KLHDC8A: variants seen among roughly 807,000 people sequenced by gnomAD.
KLHDC8A encodes kelch domain-containing protein 8A.
A neutral mutation model predicts 33.1 loss-of-function variants in KLHDC8A; 21 were observed. The ratio of observed to expected loss-of-function variants is 0.64; its 90% CI spans 0.45 to 0.91. The LOEUF is 0.91. Among genes scored for constraint, KLHDC8A ranks in the 40% least tolerant of loss-of-function variants. The probability of loss-of-function intolerance (pLI) is 0.00; values close to 1 mark genes in which losing one functional copy is unlikely to be tolerated. For synonymous variants in KLHDC8A, 173 were observed against 193.5 expected (o/e 0.89, Z 0.88); for missense variants, 435 against 483.3 (o/e 0.90, Z 0.94).
At chr1:205,341,342 A>G (rs1260935512) in intron 2 of KLHDC8A, among the ~76,000 whole-genome samples, 1 of 115,100 alleles carries the variant, frequency 8.7e-6, no homozygotes, top group Middle Eastern at 3.8e-3. Context: ...ATTTCCTCCT[A>G]CTTTCCAATC....
Position 205,343,236 on chromosome 1 carries a change from C to T in KLHDC8A, c.369G>A (p.Thr123=). ...LREAAMGISV[T]AKDYRVYAAG... ...AGCCCTGGCCCCACTTGCCTTTGGC[C>T]GTGACAGAAATGCCCATGGCGGCCT... The change falls in exon 2 of 6, where the codon ACG becomes ACA. Residue 123 remains threonine (T), a synonymous_variant. Coordinates refer to ENST00000367155, the MANE Select transcript of KLHDC8A (RefSeq NM_018203.3). 3 of 1,586,864 alleles carry T rather than the reference C, an allele frequency of 1.9e-6. No individual in the cohort carries two copies. The highest frequency in any genetic ancestry group is 1.1e-5 in the South Asian group (1 of 88,290).
At chr1:205,347,474 C>G (rs952023822) in intron 1 of KLHDC8A, among the ~76,000 whole-genome samples, 3 of 152,188 alleles carry the variant, frequency 2.0e-5, no homozygotes, top group African/African-American at 7.2e-5. Flanking sequence ...CATCCCAGCA[C>G]TTTGGGAGGC....
Position 205,339,520 on chromosome 1 carries a change from G to C in KLHDC8A, c.542-111C>G. The C allele has an allele frequency of 7.1e-7, 1 of 1,416,584 alleles. No homozygotes were observed. The highest frequency in any genetic ancestry group is 9.8e-7 in the Non-Finnish European group (1 of 1,022,128). The allele number at this position is 1,416,584 out of a possible 1,614,324, so 87.8% of individuals were successfully genotyped here. A position where few individuals can be genotyped will look rare whatever the true frequency, so the allele number is the denominator to read the frequency against. ...TACTCATTCATACAGGAAGCTCCCG[G>C]TGGGCTGGGCAGTGTGATTATCCCC... On this transcript the variant is annotated intron_variant, in intron 3 of 5. Coordinates refer to ENST00000367155, the MANE Select transcript of KLHDC8A (RefSeq NM_018203.3). This position sits in a 1 kb window ranked among gnomAD's most constrained non-coding sequence, Gnocchi z 5.1.
rs367855883 is a variant in KLHDC8A, at chr1:205,350,841, G to A, written c.-190+5692C>T. Among the ~76,000 whole-genome samples, 11 of 152,070 alleles carry A rather than the reference G, an allele frequency of 7.2e-5. No homozygotes were observed. In the South Asian group the frequency reaches 8.3e-4, roughly 12 times the overall value. ...TGTGTGTGCATGCATGTGTGTGCGCGCACGCATGTGTGTGTGCATGTGTGT... is the reference window on the plus strand; with the variant it reads ...TGTGTGTGCATGCATGTGTGTGCGCACACGCATGTGTGTGTGCATGTGTGT... On this transcript the variant is annotated intron_variant, in intron 1 of 5. Coordinates refer to ENST00000367155, the MANE Select transcript of KLHDC8A (RefSeq NM_018203.3).
rs1574905278 is a variant in KLHDC8A at position 205,338,548 on chromosome 1, G to A, written c.806C>T (p.Ala269Val). 2 of 1,613,986 alleles carry A rather than the reference G, an allele frequency of 1.2e-6. No homozygotes were observed. The highest frequency in any genetic ancestry group is 1.7e-6 in the Non-Finnish European group (2 of 1,180,024). Residue 269 changes from alanine to valine, a missense_variant, in exon 5 of 6, where the codon GCA (alanine) becomes GTA (valine). By Grantham distance (64) the Ala-to-Val change is moderately conservative. Transcript: ENST00000367155. Reference sequence around the variant, plus strand: ...ACTCAGAGAGCCAGCCACAAAATCTGCCCGCCGCTTCTTGAGGAAGAACGA... The same window carrying A: ...ACTCAGAGAGCCAGCCACAAAATCTACCCGCCGCTTCTTGAGGAAGAACGA... ...ERSFFLKKRR[A>V]DFVAGSLSGR...
In KLHDC8A at chr1:205,337,417, CAG is replaced by C. The variant is rs1445411886; in HGVS notation, c.1033_1034del (p.Leu345ValfsTer4). ...GAGACAGCTAGGAGTCAGAGACACA[CAG>C]GGCCTCCACTGCGTCACTCAGACCC... is the stretch of plus-strand genomic sequence containing the variant. ...NQGLSDAVEA[L>X]CVSDS On this transcript the variant is annotated frameshift_variant, in exon 6 of 6. Transcript: ENST00000367155. LOFTEE classifies it high-confidence loss of function. 4 of 1,613,354 alleles carry C rather than the reference CAG, an allele frequency of 2.5e-6. No individual in the cohort carries two copies. In the South Asian group the frequency reaches 4.4e-5, roughly 18 times the overall value.
chr1:205,353,948 T>C (rs1539697), intron 1 of KLHDC8A, among the ~76,000 whole-genome samples: 122,203 of 152,196 alleles, frequency 0.8, 49,175 homozygotes, highest in African/African-American at 0.86. Context: ...AACAGGATGC[T>C]GGATTCAAAC....
chr1:205,337,420 G>C lies in KLHDC8A; in HGVS notation c.1032C>G (p.Ala344=), dbSNP rs758765786. ...ACAGCTAGGAGTCAGAGACACACAG[G>C]GCCTCCACTGCGTCACTCAGACCCT... ...VNQGLSDAVE[A]LCVSDS is the part of the protein sequence containing the mutation. The change falls in exon 6 of 6, where the codon GCC becomes GCG. Residue 344 remains alanine, a synonymous_variant. Transcript: ENST00000367155. 1.2e-6 allele frequency: 2 copies of C among 1,613,122 alleles called. No homozygotes were observed. The highest frequency in any genetic ancestry group is 2.7e-5 in the African/African-American group (2 of 74,868).
At chr1:205,338,732 T>C (rs1394318359) in intron 4 of KLHDC8A, 136 bp from the exon 5 acceptor site, 1 of 661,818 alleles carries the variant, frequency 1.5e-6, no homozygotes, top group Non-Finnish European at 2.6e-6. Flanking sequence ...GCTTGGGGAG[T>C]ACACAGTTCC....
rs76726901 is a variant in KLHDC8A at position 205,338,207 on chromosome 1, G to A, written c.859+288C>T. Among the ~76,000 whole-genome samples, 599 of 152,300 alleles carry A rather than the reference G, an allele frequency of 3.9e-3. 4 individuals carry two copies. Among genetic ancestry groups the A allele is most frequent in the African/African-American group, 0.014 (570 of 41,568 alleles). ...CCACAGTTTGTCTCCAGTCATTCCCGTTTAGGGATCTGTGCTCAGTAAGCC... is the reference window on the plus strand; with the variant it reads ...CCACAGTTTGTCTCCAGTCATTCCCATTTAGGGATCTGTGCTCAGTAAGCC... On this transcript the variant is annotated intron_variant, in intron 5 of 5. Coordinates refer to ENST00000367155, the MANE Select transcript of KLHDC8A (RefSeq NM_018203.3).
chr1:205,354,864 C>G (rs1288887366), intron 1 of KLHDC8A, among the ~76,000 whole-genome samples: 2 of 152,230 alleles, frequency 1.3e-5, no homozygotes, highest in Non-Finnish European at 2.9e-5. Context: ...TGATAATTTA[C>G]GTAAGTCTCT....
chr1:205,344,825 A>C (rs531355035), intron 1 of KLHDC8A, among the ~76,000 whole-genome samples: 1 of 152,178 alleles, frequency 6.6e-6, no homozygotes, highest in African/African-American at 2.4e-5. Flanking sequence ...GACACTGACC[A>C]GTGATGCACA....
intron 5 of KLHDC8A, 74 bp downstream of exon 5, chr1:205,338,421 G>T (rs1215175159): frequency 1.5e-5 from 18 of 1,187,236 alleles, no homozygotes; most frequent in Non-Finnish European, 2.0e-5. Flanking sequence ...ACCCTTTCCT[G>T]CATATGCAAA....
intron 1 of KLHDC8A, chr1:205,351,551 T>A (rs182498960): frequency 1.8e-4 from 120 of 682,068 alleles, no homozygotes; most frequent in African/African-American, 1.7e-3. Flanking sequence ...AAAAATTAGG[T>A]CATGTACATT....
intron 1 of KLHDC8A, among the ~76,000 whole-genome samples, chr1:205,354,118 C>G (rs1663197731): frequency 6.6e-6 from 1 of 152,204 alleles, no homozygotes; most frequent in African/African-American, 2.4e-5. Context: ...GGATCCAGGC[C>G]CCACCTCAGC....
At chr1:205,338,660 T>C in intron 4 of KLHDC8A, 64 bp from the exon 5 acceptor site, 1 of 1,362,636 alleles carries the variant, frequency 7.3e-7, no homozygotes, top group Non-Finnish European at 1.0e-6. Flanking sequence ...TCCCACCAAA[T>C]GCAGATTGTG....
Position 205,339,999 on chromosome 1 carries a change from T to C in KLHDC8A, c.377-191A>G, listed in dbSNP as rs1184663937. 2 of 403,954 alleles carry C rather than the reference T, an allele frequency of 5.0e-6. No individual in the cohort carries two copies. The highest frequency in any genetic ancestry group is 8.7e-6 in the Non-Finnish European group (2 of 229,682). The allele number at this position is 403,954 out of a possible 1,614,324, so 25.0% of individuals were successfully genotyped here. Reference sequence around the variant, plus strand: ...CCTGCTATAGCTAAGCCTGAGAGTCTGTTTCTTTTTTTTTATTTTTATTAT... The same window carrying C: ...CCTGCTATAGCTAAGCCTGAGAGTCCGTTTCTTTTTTTTTATTTTTATTAT... On this transcript the variant is annotated intron_variant, in intron 2 of 5. Coordinates refer to ENST00000367155, the MANE Select transcript of KLHDC8A (RefSeq NM_018203.3). The surrounding 1 kb of genome is among the most constrained non-coding windows in gnomAD (Gnocchi z 5.1).
Position 205,356,564 on chromosome 1 carries a change from G to T in KLHDC8A, c.-221C>A, listed in dbSNP as rs1019212880. 3.9e-5 allele frequency: 18 copies of T among 456,206 alleles called. No homozygotes were observed. The highest frequency in any genetic ancestry group is 3.2e-4 in the African/African-American group (16 of 50,082). The allele number at this position is 456,206 out of a possible 1,614,324, so 28.3% of individuals were successfully genotyped here. The stretch of plus-strand genomic sequence containing the variant: ...GGAGGGAAAAGGATCGACACCCGGC[G>T]ATCATCTGCAAAAGACAAAGAAGGG... On this transcript the variant is annotated 5_prime_UTR_variant, in exon 1 of 6. Coordinates refer to ENST00000367155, the MANE Select transcript of KLHDC8A (RefSeq NM_018203.3).
intron 1 of KLHDC8A, among the ~76,000 whole-genome samples, chr1:205,356,264 G>A (rs911596718): frequency 1.3e-5 from 2 of 152,194 alleles, no homozygotes; most frequent in Non-Finnish European, 2.9e-5. Context: ...GAGGTTGGCT[G>A]TATGTTGGTC....
Sources: allele counts gnomAD v4.1 joint callset (sites outside exome capture counted in the v4.1 genomes callset), GRCh38; gene constraint gnomAD v4.1.1; non-coding constraint Gnocchi (gnomAD v3.1); transcripts MANE v1.5; gene names NCBI Gene and HGNC (gene_info 2026-07-23, HGNC 2026-07-21).